Variants in SYMPK observed in about 807,000 individuals in gnomAD.
The protein encoded by SYMPK is symplekin.
In SYMPK, 49 loss-of-function variants were observed where a neutral mutation model predicts 136.4. That is an observed-to-expected ratio of 0.36 (90% CI 0.29 to 0.46). SYMPK has a LOEUF of 0.46. Ranked by LOEUF, SYMPK falls within the 20% of genes least tolerant of loss-of-function variation. The probability of loss-of-function intolerance (pLI) is 1.00; values close to 1 mark genes in which losing one functional copy is unlikely to be tolerated. For missense variants in SYMPK, 1,365 were observed against 1,690.0 expected (o/e 0.81, Z 3.37); for synonymous variants, 766 against 713.0 (o/e 1.07, Z -1.19).
At chr19:45,853,613 CAAAAA>C (rs113932332) in intron 3 of SYMPK, among the ~76,000 whole-genome samples, 1 of 124,372 alleles carries the variant, frequency 8.0e-6, no homozygotes. Context: ...GACTCTGCCT[CAAAAA>C]AAAAAAAAAA....
At chr19:45,859,296 T>TAAA (rs34863014) in intron 1 of SYMPK, among the ~76,000 whole-genome samples, 6 of 134,450 alleles carry the variant, frequency 4.5e-5, no homozygotes, top group African/African-American at 8.3e-5. Context: ...GACAAGTCTT[T>TAAA]AAAAAAAAAA....
At chr19:45,838,157 T>A (rs186576557) in intron 10 of SYMPK, among the ~76,000 whole-genome samples, 244 of 152,002 alleles carry the variant, frequency 1.6e-3, no homozygotes, top group African/African-American at 5.7e-3. Flanking sequence ...TTTAAAAGTG[T>A]GTGGCACCTC....
chr19:45,823,601 G>A (rs1197222925), intron 19 of SYMPK, 129 bp from the exon 20 acceptor site: 6 of 986,198 alleles, frequency 6.1e-6, no homozygotes, highest in Non-Finnish European at 6.2e-6. Context: ...CTGCTCACGT[G>A]CAATTAGCAC....
At position 45,821,173 on chromosome 19, in the gene SYMPK, TGGGAGGAAGGAAGGAGGA is replaced by T. The variant is rs1970879786; in HGVS notation, c.2893+193_2893+210del. The T allele has an allele frequency of 2.8e-6, 1 of 354,276 alleles. No homozygotes were observed. The highest frequency in any genetic ancestry group is 3.4e-5 in the Admixed American group (1 of 29,804). The allele number at this position is 354,276 out of a possible 1,614,324, so 21.9% of individuals were successfully genotyped here. A position where few individuals can be genotyped will look rare whatever the true frequency, so the allele number is the denominator to read the frequency against. ...AAGGTGGGTTGTAAAGGGTAAAACC[TGGGAGGAAGGAAGGAGGA>T]GGGAGGGAGGGAGGGAGGGAAGAGG... On this transcript the variant is annotated intron_variant, in intron 22 of 26. Coordinates refer to ENST00000245934, the MANE Select transcript of SYMPK (RefSeq NM_004819.3). The surrounding 1 kb of genome is among the most constrained non-coding windows in gnomAD (Gnocchi z 4.4).
At chr19:45,820,675 C>T in intron 22 of SYMPK, 1 of 158,206 alleles carries the variant, frequency 6.3e-6, no homozygotes, top group Non-Finnish European at 1.4e-5. Flanking sequence ...GGAGGTGGTC[C>T]TTAGACGCGG....
chr19:45,844,521 G>T (rs1003132024), intron 7 of SYMPK, among the ~76,000 whole-genome samples: 2 of 151,940 alleles, frequency 1.3e-5, no homozygotes, highest in East Asian at 3.9e-4. Context: ...AAAAATACAA[G>T]AAATTAGCCC....
chr19:45,860,226 C>T (rs981464468), intron 1 of SYMPK, among the ~76,000 whole-genome samples: 12 of 151,664 alleles, frequency 7.9e-5, no homozygotes, highest in African/African-American at 2.9e-4. Context: ...GAGGCCAAGG[C>T]GGGTGGATCA....
At chr19:45,853,345 C>G (rs886329721) in intron 3 of SYMPK, among the ~76,000 whole-genome samples, 4 of 152,222 alleles carry the variant, frequency 2.6e-5, no homozygotes, top group Non-Finnish European at 5.9e-5. Context: ...TTGACATGCT[C>G]TCCCTCTCTT....
At chr19:45,840,671 A>G (rs1390340915) in intron 9 of SYMPK, among the ~76,000 whole-genome samples, 2 of 151,840 alleles carry the variant, frequency 1.3e-5, no homozygotes, top group African/African-American at 4.8e-5. Flanking sequence ...CTTTAAAAAA[A>G]AAAAAACAAA....
In SYMPK at chr19:45,831,401, G is replaced by A. The variant is rs747034073; in HGVS notation, c.1581C>T (p.Ile527=). The A allele has an allele frequency of 6.3e-7, 1 of 1,581,258 alleles. No individual in the cohort carries two copies. The highest frequency in any genetic ancestry group is 1.8e-5 in the Admixed American group (1 of 55,798). The change falls in exon 12 of 27, where the codon ATC becomes ATT. Residue 527 remains isoleucine (I), a synonymous_variant. Coordinates refer to ENST00000245934, the MANE Select transcript of SYMPK (RefSeq NM_004819.3). ...GGACTCACCGGGGCTGAGTGACAGG[G>A]ATAATGGGCTCTGGCCTCCTCTTGG... ...PQAKRRPEPI[I]PVTQPRLAGA...
At chr19:45,860,970 T>C (rs186006336) in intron 1 of SYMPK, among the ~76,000 whole-genome samples, 1 of 152,388 alleles carries the variant, frequency 6.6e-6, no homozygotes, top group Non-Finnish European at 1.5e-5. Context: ...GCTGCATATC[T>C]TCCTTACCAC....
chr19:45,841,342 G>A (rs1471107361), intron 9 of SYMPK, among the ~76,000 whole-genome samples: 1 of 150,984 alleles, frequency 6.6e-6, no homozygotes, highest in African/African-American at 2.4e-5. Context: ...ACCCAGACTG[G>A]AGTGCAATGG....
At position 45,821,559 on chromosome 19, in the gene SYMPK, A is replaced by T. The variant is rs894867807; in HGVS notation, c.2792-74T>A. On this transcript the variant is annotated intron_variant, in intron 21 of 26. Transcript: ENST00000245934. This position sits in a 1 kb window ranked among gnomAD's most constrained non-coding sequence, Gnocchi z 4.4. ...GTGAAGAGATGGGTCTGAGTTCCCC[A>T]GATCGGGGGAGCTGCGAGCAAAGAT... 1.0e-6 allele frequency: 1 copy of T among 980,888 alleles called. No individual in the cohort carries two copies. Among genetic ancestry groups the T allele is most frequent in the Non-Finnish European group, 1.6e-6 (1 of 634,918 alleles). 60.8% of individuals were successfully genotyped at this position (980,888 alleles called of 1,614,324 possible). A position where few individuals can be genotyped will look rare whatever the true frequency, so the allele number is the denominator to read the frequency against.
At chr19:45,837,384 A>T (rs1303205009) in intron 10 of SYMPK, among the ~76,000 whole-genome samples, 1 of 152,086 alleles carries the variant, frequency 6.6e-6, no homozygotes, top group East Asian at 1.9e-4. Context: ...TTGGGAGGCC[A>T]TGGTGGGCGG....
intron 22 of SYMPK, chr19:45,820,602 G>A (rs1970865645): frequency 6.4e-6 from 1 of 155,388 alleles, no homozygotes; most frequent in African/African-American, 2.4e-5. Context: ...AGCTCCGTGG[G>A]ACAGGATGGC....
intron 5 of SYMPK, among the ~76,000 whole-genome samples, chr19:45,851,237 C>T (rs1190840171): frequency 1.3e-5 from 2 of 152,166 alleles, no homozygotes; most frequent in South Asian, 2.1e-4. Flanking sequence ...TGCCCTGGAA[C>T]GAGATTGTGA....
intron 14 of SYMPK, chr19:45,828,435 A>G (rs186673530): frequency 5.5e-6 from 1 of 182,452 alleles, no homozygotes; most frequent in Non-Finnish European, 1.2e-5. Flanking sequence ...ATTGGGTCAC[A>G]TAAGGCCTCA....
At chr19:45,846,189 T>C (rs368914704) in intron 7 of SYMPK, among the ~76,000 whole-genome samples, 4 of 152,208 alleles carry the variant, frequency 2.6e-5, no homozygotes, top group Admixed American at 1.3e-4. Context: ...TGAGCCGAGA[T>C]AGCGCTACTG....
At chr19:45,820,926 C>T (rs924016877) in intron 22 of SYMPK, 6 of 572,708 alleles carry the variant, frequency 1.0e-5, no homozygotes, top group African/African-American at 3.8e-5. Context: ...CATCGTGAGG[C>T]GGCCAGTTCG....
Sources: allele counts gnomAD v4.1 joint callset (sites outside exome capture counted in the v4.1 genomes callset), GRCh38; gene constraint gnomAD v4.1.1; non-coding constraint Gnocchi (gnomAD v3.1); transcripts MANE v1.5; gene names NCBI Gene and HGNC (gene_info 2026-07-23, HGNC 2026-07-21).